The following FSTL4 variants were observed in gnomAD, a reference collection of about 807,000 sequenced individuals.
FSTL4 encodes the protein follistatin-related protein 4.
In FSTL4, 28 loss-of-function variants were observed where a neutral mutation model predicts 78.2. That is an observed-to-expected ratio of 0.36 (90% CI 0.27 to 0.49). The LOEUF is 0.49. FSTL4 is among the 20% of genes least tolerant of loss of function. The pLI is 0.98. For missense variants in FSTL4, 922 were observed against 1,084.9 expected, an observed-to-expected ratio of 0.85 and a Z score of 2.11; for synonymous variants, 422 against 440.5, an observed-to-expected ratio of 0.96 and a Z score of 0.53.
chr5:133,757,512 C>T, the FSTL4 span, among the ~76,000 whole-genome samples: 13 of 152,122 alleles, frequency 8.5e-5, no homozygotes, highest in African/African-American at 1.9e-4. Context: ...TTATCCACCT[C>T]GGAAGCCTTA....
At chr5:133,371,998 G>A (rs62375990) in intron 4 of FSTL4, among the ~76,000 whole-genome samples, 22,525 of 152,178 alleles carry the variant, frequency 0.15, 1,901 homozygotes, top group East Asian at 0.35. Flanking sequence ...CTGCTTCCAG[G>A]AGAGAGGAAT....
At position 133,603,842 on chromosome 5, in the gene FSTL4, A is replaced by G. The variant is rs375090250; in HGVS notation, c.126+16T>C. On this transcript the variant is annotated intron_variant, in intron 2 of 15. Coordinates refer to ENST00000265342, the MANE Select transcript of FSTL4 (RefSeq NM_015082.2). Reference sequence around the variant, plus strand: ...AATCAGTTTGAAATGTTATGTCCGCAGGGATTTGACTATACCTCTGCCTGT... The same window carrying G: ...AATCAGTTTGAAATGTTATGTCCGCGGGGATTTGACTATACCTCTGCCTGT... 232 of 1,613,330 alleles carry G rather than the reference A, an allele frequency of 1.4e-4. 1 individual carries two copies. Among genetic ancestry groups the G allele is most frequent in the Middle Eastern group, 9.9e-4 (6 of 6,060 alleles).
the FSTL4 span, among the ~76,000 whole-genome samples, chr5:133,670,307 C>T: frequency 5.3e-5 from 8 of 152,208 alleles, no homozygotes; most frequent in African/African-American, 1.9e-4. Context: ...ACCTCTGGAT[C>T]CTTAATTTTC....
intron 2 of FSTL4, among the ~76,000 whole-genome samples, chr5:133,591,322 C>T (rs574178349): frequency 1.3e-5 from 2 of 152,296 alleles, no homozygotes; most frequent in East Asian, 3.9e-4. Flanking sequence ...AAAGATTTAA[C>T]AGCACAAGGC....
the FSTL4 span, among the ~76,000 whole-genome samples, chr5:133,732,285 G>A: frequency 0.2 from 30,107 of 152,012 alleles, 3,722 homozygotes; most frequent in African/African-American, 0.34. Flanking sequence ...TCCTCACTGG[G>A]CCTGCACTGT....
At chr5:133,727,872 G>A in the FSTL4 span, among the ~76,000 whole-genome samples, 1 of 152,210 alleles carries the variant, frequency 6.6e-6, no homozygotes, top group East Asian at 1.9e-4. Context: ...CACGAGGGCT[G>A]TTGCTGGCCT....
chr5:133,486,268 G>A (rs965004935), intron 3 of FSTL4, among the ~76,000 whole-genome samples: 3 of 151,840 alleles, frequency 2.0e-5, no homozygotes, highest in African/African-American at 7.3e-5. Context: ...TACGAGGGGC[G>A]GGGAGAAACA....
At chr5:133,786,624 G>A in the FSTL4 span, among the ~76,000 whole-genome samples, 1 of 152,204 alleles carries the variant, frequency 6.6e-6, no homozygotes, top group African/African-American at 2.4e-5. Context: ...AGGGGAGAGG[G>A]ATGCAGGGAG....
chr5:133,271,325 T>C (rs1295505600), intron 6 of FSTL4, among the ~76,000 whole-genome samples: 1 of 152,264 alleles, frequency 6.6e-6, no homozygotes, highest in Non-Finnish European at 1.5e-5. Context: ...TCCAGTGTGA[T>C]GTGCTGCAAG....
Position 133,426,208 on chromosome 5 carries a change from CAG to C in FSTL4, c.161-25224_161-25223del, listed in dbSNP as rs1469652624. 6.6e-6 allele frequency among the ~76,000 whole-genome samples: 1 copy of C among 152,166 alleles called. No homozygotes were observed. Among genetic ancestry groups the C allele is most frequent in the Non-Finnish European group, 1.5e-5 (1 of 68,028 alleles). On this transcript the variant is annotated intron_variant, in intron 3 of 15. Transcript: ENST00000265342. This position sits in a 1 kb window ranked among gnomAD's most constrained non-coding sequence, Gnocchi z 5.0. ...AAGCACAGAGTGTGCTAGCAGAAGA[CAG>C]AGTGTTGTCCTTCAAGCCTGACCAA...
chr5:133,667,558 C>T, the FSTL4 span, among the ~76,000 whole-genome samples: 1 of 152,180 alleles, frequency 6.6e-6, no homozygotes, highest in South Asian at 2.1e-4. Context: ...AGCTCCAGCT[C>T]GAATATATCA....
At chr5:133,727,084 C>G in the FSTL4 span, among the ~76,000 whole-genome samples, 3 of 152,118 alleles carry the variant, frequency 2.0e-5, no homozygotes, top group African/African-American at 7.2e-5. Context: ...TCATACAAAC[C>G]ACATCCCACA....
At chr5:133,291,920 G>T (rs1753272478) in intron 6 of FSTL4, among the ~76,000 whole-genome samples, 1 of 152,228 alleles carries the variant, frequency 6.6e-6, no homozygotes, top group Admixed American at 6.5e-5. Flanking sequence ...GTTTTAATCA[G>T]CAAGCCCTGC....
chr5:133,251,329 C>T (rs1282705332), intron 6 of FSTL4, among the ~76,000 whole-genome samples: 2 of 152,208 alleles, frequency 1.3e-5, no homozygotes, highest in Admixed American at 6.5e-5. Flanking sequence ...CACGAGGCTC[C>T]CCTGGGCCAC....
the FSTL4 span, among the ~76,000 whole-genome samples, chr5:133,668,269 G>A: frequency 6.6e-6 from 1 of 152,162 alleles, no homozygotes; most frequent in Non-Finnish European, 1.5e-5. Context: ...CCATCCTGCA[G>A]GGAAAACAGA....
the FSTL4 span, among the ~76,000 whole-genome samples, chr5:133,745,121 T>C: frequency 6.6e-6 from 1 of 152,132 alleles, no homozygotes; most frequent in Non-Finnish European, 1.5e-5. Context: ...AAACCTATTT[T>C]TAAAAAGAGA....
chr5:133,676,743 C>T, the FSTL4 span, among the ~76,000 whole-genome samples: 6 of 152,200 alleles, frequency 3.9e-5, no homozygotes, highest in East Asian at 1.2e-3. Flanking sequence ...TTTGTGTCAG[C>T]CTGAAAATTA....
chr5:133,836,593 T>C, the FSTL4 span, among the ~76,000 whole-genome samples: 1 of 152,166 alleles, frequency 6.6e-6, no homozygotes, highest in African/African-American at 2.4e-5. Context: ...ATTCCTCAAT[T>C]TCCATGTTTC....
At chr5:133,290,536 A>C (rs1753237506) in intron 6 of FSTL4, among the ~76,000 whole-genome samples, 1 of 152,204 alleles carries the variant, frequency 6.6e-6, no homozygotes, top group South Asian at 2.1e-4. Context: ...CTGGGGCCCC[A>C]GGGAGTTGTA....
Sources: allele counts gnomAD v4.1 joint callset (sites outside exome capture counted in the v4.1 genomes callset), GRCh38; gene constraint gnomAD v4.1.1; non-coding constraint Gnocchi (gnomAD v3.1); transcripts MANE v1.5; gene names NCBI Gene and HGNC (gene_info 2026-07-23, HGNC 2026-07-21).